Variants in USP43 observed in about 807,000 individuals in gnomAD.
The protein encoded by USP43 is ubiquitin carboxyl-terminal hydrolase 43.
A neutral mutation model predicts 90.7 loss-of-function variants in USP43; 33 were observed. The observed-to-expected ratio is 0.36, with a 90% CI of 0.28 to 0.49. The LOEUF is 0.49. USP43 is among the 20% of genes least tolerant of loss of function. The pLI is 0.98. For missense variants in USP43, 1,274 were observed against 1,476.4 expected (o/e 0.86, Z 2.25); for synonymous variants, 598 against 615.8 (o/e 0.97, Z 0.43).
intron 8 of USP43, among the ~76,000 whole-genome samples, chr17:9,689,000 T>C (rs1009634601): frequency 6.6e-6 from 1 of 152,100 alleles, no homozygotes; most frequent in Non-Finnish European, 1.5e-5. Flanking sequence ...AATTTCAATT[T>C]TAGAAATGGA....
At chr17:9,693,558 AG>A (rs2151983459) in intron 9 of USP43, among the ~76,000 whole-genome samples, 1 of 152,202 alleles carries the variant, frequency 6.6e-6, no homozygotes, top group Admixed American at 6.5e-5. Context: ...AAATTCAGCC[AG>A]GCATGGTGGT....
chr17:9,700,136 C>A, intron 9 of USP43, 36 bp from the exon 10 acceptor site: 1 of 1,559,544 alleles, frequency 6.4e-7, no homozygotes, highest in East Asian at 2.4e-5. Context: ...AAGGAGGCCC[C>A]GTGTTTTCTG....
intron 1 of USP43, among the ~76,000 whole-genome samples, chr17:9,656,030 A>G (rs947343993): frequency 3.3e-5 from 5 of 152,174 alleles, no homozygotes; most frequent in African/African-American, 1.2e-4. Flanking sequence ...GAATAGACCA[A>G]TGGAGGGAAG....
At chr17:9,669,299 A>G (rs1255661360) in intron 3 of USP43, among the ~76,000 whole-genome samples, 1 of 152,204 alleles carries the variant, frequency 6.6e-6, no homozygotes, top group Non-Finnish European at 1.5e-5. Flanking sequence ...GGGAGAGATC[A>G]CTGATCATCG....
At chr17:9,676,653 T>G in intron 4 of USP43, 93 bp from the exon 5 acceptor site, 7 of 1,465,016 alleles carry the variant, frequency 4.8e-6, no homozygotes, top group South Asian at 1.4e-5. Flanking sequence ...ATTACAGGTG[T>G]GAGCCACTGC....
At chr17:9,723,668 C>A (rs1327079540) in intron 14 of USP43, among the ~76,000 whole-genome samples, 1 of 151,008 alleles carries the variant, frequency 6.6e-6, no homozygotes, top group Admixed American at 6.6e-5. Flanking sequence ...ACTGCAACCT[C>A]CCCTTCCCAG....
chr17:9,655,959 G>A (rs185351084), intron 1 of USP43, among the ~76,000 whole-genome samples: 57 of 152,340 alleles, frequency 3.7e-4, no homozygotes, highest in South Asian at 2.7e-3. Flanking sequence ...AATCAGCGAG[G>A]GAGAGCAAGT....
In USP43 at chr17:9,686,735, A is replaced by G. The variant is rs1914614788; in HGVS notation, c.1242-63A>G. The G allele has an allele frequency of 6.9e-7, 1 of 1,445,062 alleles. No homozygotes were observed. The highest frequency in any genetic ancestry group is 9.6e-7 in the Non-Finnish European group (1 of 1,040,300). 89.5% of individuals were successfully genotyped at this position (1,445,062 alleles called of 1,614,324 possible). On this transcript the variant is annotated intron_variant, in intron 7 of 14. Coordinates refer to ENST00000285199, the MANE Select transcript of USP43 (RefSeq NM_153210.5). The surrounding 1 kb of genome is among the most constrained non-coding windows in gnomAD (Gnocchi z 5.5). ...GAAGCCAGGGTTAGAACAACCACTC[A>G]TGACTGGTGGATGTTGCTGGTTTTT...
intron 2 of USP43, among the ~76,000 whole-genome samples, chr17:9,663,480 T>C (rs140475607): frequency 2.4e-3 from 362 of 151,998 alleles, no homozygotes; most frequent in African/African-American, 8.2e-3. Flanking sequence ...GTATTTTTGG[T>C]AGAGATGGGG....
chr17:9,707,352 T>G (rs1915941399), intron 12 of USP43, among the ~76,000 whole-genome samples: 1 of 152,118 alleles, frequency 6.6e-6, no homozygotes, highest in East Asian at 1.9e-4. Context: ...TTACTTAATT[T>G]TAAAAATGCT....
chr17:9,659,843 G>A (rs1010078444), intron 2 of USP43, among the ~76,000 whole-genome samples: 1 of 152,136 alleles, frequency 6.6e-6, no homozygotes, highest in African/African-American at 2.4e-5. Context: ...CAACACTGTT[G>A]GATGTTTGTG....
At chr17:9,651,183 G>T (rs1196483471) in intron 1 of USP43, among the ~76,000 whole-genome samples, 6 of 150,354 alleles carry the variant, frequency 4.0e-5, no homozygotes, top group African/African-American at 1.5e-4. Flanking sequence ...TGTTTTTTTT[G>T]TTTGTTTTTT....
chr17:9,681,427 C>A (rs1402850183), intron 6 of USP43, among the ~76,000 whole-genome samples: 20 of 82,822 alleles, frequency 2.4e-4, no homozygotes, highest in Non-Finnish European at 2.8e-4. Flanking sequence ...AGCTAAATAT[C>A]TATATTATAT....
At chr17:9,684,030 G>A (rs1914449554) in intron 7 of USP43, among the ~76,000 whole-genome samples, 1 of 152,068 alleles carries the variant, frequency 6.6e-6, no homozygotes, top group Non-Finnish European at 1.5e-5. Context: ...CCAGCTACTT[G>A]GGAGGCTATG....
chr17:9,658,512 A>T (rs1008406262), intron 2 of USP43, among the ~76,000 whole-genome samples: 1 of 152,194 alleles, frequency 6.6e-6, no homozygotes, highest in Admixed American at 6.5e-5. Flanking sequence ...ATATTTTAAA[A>T]ATAATCACCC....
At position 9,682,879 on chromosome 17, in the gene USP43, T is replaced by G; in HGVS notation, c.1162T>G (p.Phe388Val). The change falls in exon 7 of 15, where the codon TTC (phenylalanine) becomes GTC (valine). Residue 388 changes from phenylalanine to valine, a missense_variant. Phe to Val is a conservative substitution (Grantham distance 50). Coordinates refer to ENST00000285199, the MANE Select transcript of USP43 (RefSeq NM_153210.5). ...CCTGGCAGCCCGTGAGGGCCAGCGA[T>G]TCTCCCTCTCTCTCCACAGTGAGAG... Reference protein sequence around the residue: ...PRLAAREGQRFSLSLHSESKV... With the variant: ...PRLAAREGQRVSLSLHSESKV... 6.2e-7 allele frequency: 1 copy of G among 1,614,048 alleles called. No homozygotes were observed. Among genetic ancestry groups the G allele is most frequent in the Non-Finnish European group, 8.5e-7 (1 of 1,179,882 alleles).
intron 8 of USP43, 40 bp from the exon 9 acceptor site, chr17:9,693,087 G>A (rs1005738961): frequency 6.7e-7 from 1 of 1,498,052 alleles, no homozygotes; most frequent in Non-Finnish European, 9.3e-7. Context: ...AATCAATATA[G>A]GGGCTACGTA....
intron 14 of USP43, among the ~76,000 whole-genome samples, chr17:9,725,307 T>A (rs1459624436): frequency 6.7e-6 from 1 of 148,256 alleles, no homozygotes; most frequent in Non-Finnish European, 1.5e-5. Flanking sequence ...GGAAACAGAA[T>A]CTTCTCGGGG....
chr17:9,707,579 G>A (rs946640243), intron 12 of USP43, among the ~76,000 whole-genome samples: 15 of 150,154 alleles, frequency 1.0e-4, no homozygotes, highest in African/African-American at 3.7e-4. Flanking sequence ...CCCGGGAGGT[G>A]GAGCTTGCAG....
Sources: allele counts gnomAD v4.1 joint callset (sites outside exome capture counted in the v4.1 genomes callset), GRCh38; gene constraint gnomAD v4.1.1; non-coding constraint Gnocchi (gnomAD v3.1); transcripts MANE v1.5; gene names NCBI Gene and HGNC (gene_info 2026-07-23, HGNC 2026-07-21).